Variants in TSPAN8 observed in about 807,000 individuals in gnomAD.
The protein encoded by TSPAN8 is tetraspanin 8.
TSPAN8 carries 21 observed loss-of-function variants against 32.8 expected under a neutral mutation model. The ratio of observed to expected loss-of-function variants is 0.64; its 90% CI spans 0.45 to 0.92. The LOEUF is 0.92. Among genes scored for constraint, TSPAN8 ranks in the 40% least tolerant of loss-of-function variants. The pLI is 0.00. For synonymous variants in TSPAN8, 95 were observed against 94.6 expected (o/e 1.00, Z -0.03); for missense variants, 269 against 281.9 (o/e 0.95, Z 0.33).
chr12:71,157,849 T>G (rs1174547296), intron 1 of TSPAN8, 62 bp from the exon 2 acceptor site: 5 of 576,196 alleles, frequency 8.7e-6, no homozygotes, highest in Admixed American at 3.0e-5. Context: ...TTAAACTGGA[T>G]AAAAAAATTA....
intron 8 of TSPAN8, among the ~76,000 whole-genome samples, chr12:71,128,248 T>G (rs1368159902): frequency 6.6e-6 from 1 of 152,184 alleles, no homozygotes; most frequent in East Asian, 1.9e-4. Flanking sequence ...GTCCCTAACC[T>G]TTCTCTAATA....
intron 8 of TSPAN8, among the ~76,000 whole-genome samples, chr12:71,128,932 G>A (rs965818034): frequency 6.6e-6 from 1 of 152,094 alleles, no homozygotes; most frequent in Admixed American, 6.6e-5. Flanking sequence ...AAATCAAGAT[G>A]AGAAATAAGA....
chr12:71,154,509 T>G (rs930510042), intron 2 of TSPAN8, among the ~76,000 whole-genome samples: 3 of 151,962 alleles, frequency 2.0e-5, no homozygotes, highest in Admixed American at 1.3e-4. Context: ...TTTAGATCTA[T>G]TCCAAATTTC....
At chr12:71,145,110 C>A (rs949864477) in intron 2 of TSPAN8, among the ~76,000 whole-genome samples, 4 of 152,204 alleles carry the variant, frequency 2.6e-5, no homozygotes, top group African/African-American at 9.6e-5. Context: ...CTCTGACAGA[C>A]AAATGTCCTT....
intron 2 of TSPAN8, among the ~76,000 whole-genome samples, chr12:71,153,921 G>A (rs142290719): frequency 1.3e-5 from 2 of 152,106 alleles, no homozygotes; most frequent in East Asian, 1.9e-4. Context: ...AATCACCAAG[G>A]CACGTTAGTT....
At chr12:71,135,349 G>A (rs1041761725) in intron 6 of TSPAN8, among the ~76,000 whole-genome samples, 1 of 143,748 alleles carries the variant, frequency 7.0e-6, no homozygotes, top group East Asian at 2.0e-4. Context: ...GGAGGAAGAA[G>A]GAGGAGAAAG....
At chr12:71,154,183 G>T (rs1872347773) in intron 2 of TSPAN8, among the ~76,000 whole-genome samples, 1 of 151,924 alleles carries the variant, frequency 6.6e-6, no homozygotes, top group Non-Finnish European at 1.5e-5. Context: ...GGTGGTGCGT[G>T]CCTGTAATCC....
intron 8 of TSPAN8, 98 bp downstream of exon 8, chr12:71,129,232 GT>G (rs112700480): frequency 0.01 from 10,487 of 1,009,278 alleles, 83 homozygotes; most frequent in East Asian, 0.057. Flanking sequence ...GGTTGTTGTG[GT>G]TTTTTTTTTT....
intron 2 of TSPAN8, among the ~76,000 whole-genome samples, chr12:71,154,148 A>G (rs1396841063): frequency 3.3e-5 from 5 of 151,950 alleles, no homozygotes; most frequent in Non-Finnish European, 1.5e-5. Flanking sequence ...GTCTCCACTA[A>G]AAATACAAAA....
intron 6 of TSPAN8, 41 bp downstream of exon 6, chr12:71,137,912 C>T (rs771847631): frequency 5.8e-6 from 9 of 1,548,726 alleles, no homozygotes; most frequent in Non-Finnish European, 7.9e-6. Context: ...CACAGAAGAA[C>T]TATGTCCAAC....
chr12:71,150,894 C>G (rs1828447), intron 2 of TSPAN8, among the ~76,000 whole-genome samples: 7,063 of 152,208 alleles, frequency 0.046, 370 homozygotes, highest in East Asian at 0.23. Flanking sequence ...TTTCATCTTC[C>G]ACCATGATTG....
At chr12:71,156,477 A>AT (rs200595978) in intron 2 of TSPAN8, among the ~76,000 whole-genome samples, 26 of 138,132 alleles carry the variant, frequency 1.9e-4, no homozygotes, top group African/African-American at 5.4e-4. Flanking sequence ...ACAGCAGCCC[A>AT]TTTTTTTTGC....
At chr12:71,155,306 ACAAT>A (rs1183121067) in intron 2 of TSPAN8, among the ~76,000 whole-genome samples, 1 of 152,196 alleles carries the variant, frequency 6.6e-6, no homozygotes, top group Non-Finnish European at 1.5e-5. Context: ...AAAGAGGGAC[ACAAT>A]CAAACCTCCA....
intron 2 of TSPAN8, among the ~76,000 whole-genome samples, chr12:71,156,083 C>T (rs532377775): frequency 5.3e-5 from 8 of 151,806 alleles, no homozygotes; most frequent in African/African-American, 1.7e-4. Flanking sequence ...TACTAAAATG[C>T]TTACAGACAA....
intron 6 of TSPAN8, among the ~76,000 whole-genome samples, chr12:71,137,294 A>T (rs1871730784): frequency 2.0e-5 from 3 of 151,820 alleles, no homozygotes; most frequent in Admixed American, 2.0e-4. Flanking sequence ...ATAATTAATT[A>T]TTTTTTAAAA....
intron 2 of TSPAN8, among the ~76,000 whole-genome samples, chr12:71,148,849 C>T (rs966618949): frequency 6.6e-6 from 1 of 152,274 alleles, no homozygotes. Flanking sequence ...CTTTTTATCT[C>T]ATCCCGTTGT....
rs1400422279 is a variant in TSPAN8, at chr12:71,156,259, AAAAAAAAAACAAAC to A, written c.60+1346_60+1359del. On this transcript the variant is annotated intron_variant, in intron 2 of 8. Transcript: ENST00000247829. ...AATATTCAAAGTTCTCCAAAAAAAA[AAAAAAAAAACAAAC>A]AAAAAAAAAACTAGAAACAAAACAA... Among the ~76,000 whole-genome samples the A allele has an allele frequency of 3.4e-4, 37 of 107,336 alleles. 4 individuals are homozygous for A. The highest frequency in any genetic ancestry group is 7.2e-4 in the African/African-American group (19 of 26,268). 70.4% of individuals were successfully genotyped at this position (107,336 alleles called of 152,430 possible).
At chr12:71,147,321 G>T (rs1872108420) in intron 2 of TSPAN8, among the ~76,000 whole-genome samples, 1 of 152,102 alleles carries the variant, frequency 6.6e-6, no homozygotes, top group South Asian at 2.1e-4. Context: ...CCTCCAAATT[G>T]TACCCTTTTA....
chr12:71,142,844 A>AAAC (rs1439674884), intron 3 of TSPAN8, among the ~76,000 whole-genome samples: 55 of 77,792 alleles, frequency 7.1e-4, no homozygotes, highest in African/African-American at 1.8e-3. Flanking sequence ...GAGAGGAAAA[A>AAAC]AACAAAAAAA....
Sources: allele counts gnomAD v4.1 joint callset (sites outside exome capture counted in the v4.1 genomes callset), GRCh38; gene constraint gnomAD v4.1.1; transcripts MANE v1.5; gene names NCBI Gene and HGNC (gene_info 2026-07-23, HGNC 2026-07-21).